Variants in PM20D2 observed in about 807,000 individuals in gnomAD.
The protein encoded by PM20D2 is xaa-Arg dipeptidase.
PM20D2 carries 33 observed loss-of-function variants against 42.9 expected under a neutral mutation model. That is an observed-to-expected ratio of 0.77 (90% CI 0.58 to 1.03). The LOEUF is 1.03. PM20D2 is among the 50% of genes least tolerant of loss of function. The probability of loss-of-function intolerance (pLI) is 0.00; values close to 1 mark genes in which losing one functional copy is unlikely to be tolerated. For missense variants in PM20D2, 548 were observed against 557.0 expected (o/e 0.98, Z 0.16); for synonymous variants, 250 against 228.2 (o/e 1.10, Z -0.86).
chr6:89,152,958 A>T, intron 2 of PM20D2, 85 bp from the exon 3 acceptor site: 1 of 1,055,200 alleles, frequency 9.5e-7, no homozygotes, highest in Non-Finnish European at 1.3e-6. Context: ...AATTTTGAAT[A>T]GTAGTTGGGT....
chr6:89,128,464 T>A, the PM20D2 span, among the ~76,000 whole-genome samples: 8,343 of 152,080 alleles, frequency 0.055, 689 homozygotes, highest in African/African-American at 0.18. Flanking sequence ...ATATGTGCAC[T>A]GCTGAACATA....
chr6:89,139,298 C>T, the PM20D2 span, among the ~76,000 whole-genome samples: 1 of 152,142 alleles, frequency 6.6e-6, no homozygotes, highest in African/African-American at 2.4e-5. Flanking sequence ...TGGTCTCAAA[C>T]TCCTGGCCTC....
chr6:89,130,052 A>T, the PM20D2 span, among the ~76,000 whole-genome samples: 12 of 21,428 alleles, frequency 5.6e-4, no homozygotes. Flanking sequence ...TTCTAAATTA[A>T]AAAAAAAAAG....
At chr6:89,129,733 A>G in the PM20D2 span, among the ~76,000 whole-genome samples, 1 of 151,558 alleles carries the variant, frequency 6.6e-6, no homozygotes, top group Non-Finnish European at 1.5e-5. Flanking sequence ...AGCTGGGACT[A>G]CATGCATGTC....
At chr6:89,097,679 C>T in the PM20D2 span, 3 of 152,004 alleles carry the variant, frequency 2.0e-5, no homozygotes, top group African/African-American at 7.2e-5. Flanking sequence ...AGGTACTAAA[C>T]ACTCTTTCAA....
the PM20D2 span, among the ~76,000 whole-genome samples, chr6:89,095,018 AC>A: frequency 6.6e-6 from 1 of 151,888 alleles, no homozygotes; most frequent in South Asian, 2.1e-4. Context: ...AAACTACATC[AC>A]CTTTCTTTCG....
chr6:89,112,316 T>C, the PM20D2 span, among the ~76,000 whole-genome samples: 1 of 152,192 alleles, frequency 6.6e-6, no homozygotes, highest in African/African-American at 2.4e-5. Flanking sequence ...CTGCTTTTAA[T>C]TTTTTAAAAA....
the PM20D2 span, among the ~76,000 whole-genome samples, chr6:89,120,678 C>T: frequency 6.6e-6 from 1 of 151,524 alleles, no homozygotes; most frequent in Non-Finnish European, 1.5e-5. Context: ...AGCTGGGCAA[C>T]ATAAGAGAAT....
chr6:89,124,739 T>TTTTTG, the PM20D2 span, among the ~76,000 whole-genome samples: 1 of 138,054 alleles, frequency 7.2e-6, no homozygotes, highest in African/African-American at 2.7e-5. Flanking sequence ...TGTTGTTGTT[T>TTTTTG]TTTTTTTTTT....
intron 4 of PM20D2, among the ~76,000 whole-genome samples, chr6:89,157,762 T>G (rs1239897408): frequency 1.3e-5 from 2 of 152,204 alleles, no homozygotes; most frequent in South Asian, 2.1e-4. Flanking sequence ...CCCAGCACTT[T>G]GGGAGGCCGA....
At chr6:89,098,722 T>A in the PM20D2 span, 1 of 1,613,954 alleles carries the variant, frequency 6.2e-7, no homozygotes, top group Admixed American at 1.7e-5. Flanking sequence ...CAGAATGTCT[T>A]CCATGTGATC....
the PM20D2 span, among the ~76,000 whole-genome samples, chr6:89,099,787 G>T: frequency 6.6e-6 from 1 of 151,846 alleles, no homozygotes. Flanking sequence ...CCCCTGCCTC[G>T]GCCTCCTAAA....
the PM20D2 span, chr6:89,117,809 C>T: frequency 7.1e-6 from 11 of 1,548,650 alleles, no homozygotes; most frequent in South Asian, 2.4e-5. Flanking sequence ...CAACCTGCAG[C>T]CGCGGCCGTT....
the PM20D2 span, among the ~76,000 whole-genome samples, chr6:89,113,451 C>T: frequency 6.6e-6 from 1 of 152,054 alleles, no homozygotes; most frequent in South Asian, 2.1e-4. Flanking sequence ...GGATTATAGG[C>T]GTGAGCCACC....
chr6:89,111,109 CTT>C, the PM20D2 span, among the ~76,000 whole-genome samples: 35 of 120,608 alleles, frequency 2.9e-4, no homozygotes, highest in Admixed American at 2.4e-4. Context: ...TGAGACTTGT[CTT>C]TTTTTTTTTT....
chr6:89,142,386 G>C (rs532924932), upstream of PM20D2, among the ~76,000 whole-genome samples: 6 of 152,236 alleles, frequency 3.9e-5, no homozygotes, highest in East Asian at 7.7e-4. Flanking sequence ...TAAATGACCA[G>C]TATACCAAAG....
upstream of PM20D2, among the ~76,000 whole-genome samples, chr6:89,142,956 C>A (rs557633826): frequency 6.6e-6 from 1 of 152,146 alleles, no homozygotes; most frequent in Admixed American, 6.5e-5. Context: ...CCGCGCCCGG[C>A]CCCCCACAAT....
the PM20D2 span, among the ~76,000 whole-genome samples, chr6:89,137,079 T>C: frequency 6.6e-6 from 1 of 151,298 alleles, no homozygotes; most frequent in Non-Finnish European, 1.5e-5. Context: ...TACACAGTTC[T>C]CAATTCCACT....
intron 4 of PM20D2, among the ~76,000 whole-genome samples, chr6:89,157,062 T>C (rs1164358044): frequency 1.3e-5 from 2 of 152,228 alleles, no homozygotes; most frequent in African/African-American, 2.4e-5. Context: ...TTTGTTGTTA[T>C]TGGATTTGAA....
Sources: allele counts gnomAD v4.1 joint callset (sites outside exome capture counted in the v4.1 genomes callset), GRCh38; gene constraint gnomAD v4.1.1; transcripts MANE v1.5; gene names NCBI Gene and HGNC (gene_info 2026-07-23, HGNC 2026-07-21).